MOV10L1: variants seen among roughly 807,000 people sequenced by gnomAD.
MOV10L1 encodes the protein Mov10 like RNA helicase 1.
A neutral mutation model predicts 143.8 loss-of-function variants in MOV10L1; 110 were observed. The ratio of observed to expected loss-of-function variants is 0.76; its 90% confidence interval spans 0.66 to 0.90. MOV10L1 has a LOEUF of 0.90. Among genes scored for constraint, MOV10L1 ranks in the 40% least tolerant of loss-of-function variants. The probability of loss-of-function intolerance (pLI) is 0.00; values close to 1 mark genes in which losing one functional copy is unlikely to be tolerated. For missense variants in MOV10L1, 1,406 were observed against 1,526.8 expected (o/e 0.92, Z 1.32); for synonymous variants, 593 against 581.1 (o/e 1.02, Z -0.29).
At chr22:50,102,957 C>A (rs1364561867) in intron 3 of MOV10L1, among the ~76,000 whole-genome samples, 1 of 152,046 alleles carries the variant, frequency 6.6e-6, no homozygotes, top group East Asian at 1.9e-4. Context: ...TGTCCAGGGT[C>A]GTGTCAGAGG....
rs750731837 is a variant in MOV10L1, at chr22:50,126,245, C to T, written c.1791C>T (p.Ala597=). The T allele has an allele frequency of 9.3e-6, 15 of 1,612,168 alleles. No homozygotes were observed. The African/African-American group carries it at 1.7e-4, about 19-fold the overall frequency. ...ILKTQEYNGH[A]IEYISYVTEI... ...AAACTCAAGAGTACAATGGACATGCCATCGAATACATCAGCTACGTGACTG... is the reference window on the plus strand; with the variant it reads ...AAACTCAAGAGTACAATGGACATGCTATCGAATACATCAGCTACGTGACTG... The change falls in exon 12 of 27, where the codon GCC becomes GCT. Residue 597 remains alanine, a synonymous_variant. Transcript: ENST00000262794.
intron 19 of MOV10L1, among the ~76,000 whole-genome samples, chr22:50,148,989 A>T (rs1368708727): frequency 6.6e-6 from 1 of 152,236 alleles, no homozygotes; most frequent in Non-Finnish European, 1.5e-5. Context: ...ATGGTGCCGC[A>T]GATTGGGAAG....
At chr22:50,103,847 A>G (rs562480007) in intron 3 of MOV10L1, among the ~76,000 whole-genome samples, 1 of 152,282 alleles carries the variant, frequency 6.6e-6, no homozygotes, top group East Asian at 1.9e-4. Flanking sequence ...AGTTTTGTGA[A>G]AGATAATTTT....
rs369366003 is a variant in MOV10L1 at position 50,144,872 on chromosome 22, T to C, written c.2505+629T>C. Reference sequence around the variant, plus strand: ...CTGGGATTACAGGCGTGAGCCACCGTGCCCGGCCTGGTTTGGTTTTAAGTA... The same window carrying C: ...CTGGGATTACAGGCGTGAGCCACCGCGCCCGGCCTGGTTTGGTTTTAAGTA... On this transcript the variant is annotated intron_variant, in intron 18 of 26. Transcript: ENST00000262794. Among the ~76,000 whole-genome samples, 138 of 152,318 alleles carry C rather than the reference T, an allele frequency of 9.1e-4. 2 individuals carry two copies. The highest frequency in any genetic ancestry group is 6.4e-3 in the South Asian group (31 of 4,830).
chr22:50,114,847 C>G (rs116572017), intron 7 of MOV10L1, among the ~76,000 whole-genome samples: 2,549 of 152,328 alleles, frequency 0.017, 74 homozygotes, highest in African/African-American at 0.059. Context: ...TGGCGGCCGG[C>G]TCCTGAGTAC....
At chr22:50,108,058 A>C in intron 3 of MOV10L1, 78 bp from the exon 4 acceptor site, 1 of 1,279,916 alleles carries the variant, frequency 7.8e-7, no homozygotes, top group South Asian at 1.2e-5. Flanking sequence ...GTATGATAGA[A>C]ATGATTTCAG....
intron 1 of MOV10L1, chr22:50,090,438 T>G (rs2062399062): frequency 1.7e-5 from 28 of 1,600,826 alleles, no homozygotes; most frequent in Non-Finnish European, 2.3e-5. Flanking sequence ...GCCCTCACTT[T>G]GTGTGTTTAC....
chr22:50,120,642 G>A, intron 10 of MOV10L1, 26 bp downstream of exon 10: 1 of 1,491,306 alleles, frequency 6.7e-7, no homozygotes, highest in Non-Finnish European at 9.3e-7. Context: ...TGGCCTGTGG[G>A]GTGTTGGCAT....
intron 19 of MOV10L1, among the ~76,000 whole-genome samples, chr22:50,148,959 C>T (rs1334870162): frequency 1.3e-5 from 2 of 152,230 alleles, no homozygotes; most frequent in African/African-American, 4.8e-5. Flanking sequence ...CCACTGCGCC[C>T]GACCAACCCC....
intron 18 of MOV10L1, among the ~76,000 whole-genome samples, chr22:50,144,487 A>G (rs1286512306): frequency 1.3e-5 from 2 of 152,224 alleles, no homozygotes; most frequent in South Asian, 2.1e-4. Context: ...CATTCGTAGC[A>G]TTGTAAAATT....
At position 50,111,441 on chromosome 22, in the gene MOV10L1, T is replaced by G. The variant is rs190715728; in HGVS notation, c.744-2207T>G. ...TCTTTCATGACAGCTTCTGGCTGAG[T>G]TTTTTCCTTTTGGCATGGTGAGTGG... On this transcript the variant is annotated intron_variant, in intron 5 of 26. Transcript: ENST00000262794. Among the ~76,000 whole-genome samples the G allele has an allele frequency of 4.6e-5, 7 of 151,306 alleles. No homozygotes were observed. The East Asian group carries it at 1.2e-3, about 25-fold the overall frequency.
At chr22:50,137,161 C>G (rs2062842416) in intron 15 of MOV10L1, among the ~76,000 whole-genome samples, 1 of 152,066 alleles carries the variant, frequency 6.6e-6, no homozygotes, top group South Asian at 2.1e-4. Flanking sequence ...AAGTGAAAAA[C>G]GTAACCCAAA....
rs983120589 is a variant in MOV10L1, at chr22:50,148,362, A to C, written c.2628-1253A>C. On this transcript the variant is annotated intron_variant, in intron 19 of 26. Transcript: ENST00000262794. ...GCCCCAGGTGGGGTGGCCCCTCTGC[A>C]CTCTAGAAACAGATCATGTGCCGAG... Among the ~76,000 whole-genome samples, 2 of 152,056 alleles carry C rather than the reference A, an allele frequency of 1.3e-5. 1 individual carries two copies. Among genetic ancestry groups the C allele is most frequent in the Admixed American group, 1.3e-4 (2 of 15,274 alleles).
At chr22:50,134,413 TAAGA>T (rs904187006) in intron 14 of MOV10L1, 113 bp from the exon 15 acceptor site, 1 of 767,200 alleles carries the variant, frequency 1.3e-6, no homozygotes, top group African/African-American at 1.8e-5. Flanking sequence ...ACAGGCAGGT[TAAGA>T]AAGGAAGGGA....
intron 15 of MOV10L1, among the ~76,000 whole-genome samples, chr22:50,141,537 A>G (rs1054781183): frequency 1.4e-5 from 2 of 144,262 alleles, no homozygotes; most frequent in African/African-American, 5.1e-5. Flanking sequence ...ACAGGGTTTC[A>G]CCATGTTGCC....
In MOV10L1 at chr22:50,161,451, C is replaced by G. The variant is rs775731763; in HGVS notation, c.*2C>G. 1 of 1,581,302 alleles carries G rather than the reference C, an allele frequency of 6.3e-7. No individual in the cohort carries two copies. Among genetic ancestry groups the G allele is most frequent in the Non-Finnish European group, 8.6e-7 (1 of 1,163,462 alleles). On this transcript the variant is annotated 3_prime_UTR_variant, in exon 27 of 27. Coordinates refer to ENST00000262794, the MANE Select transcript of MOV10L1 (RefSeq NM_018995.3). ...GAGAAGCATCAGGAGCCCAGCTGAT[C>G]TGCAGTGGCTGACAGCAGGGAGGCC...
intron 10 of MOV10L1, among the ~76,000 whole-genome samples, chr22:50,124,969 C>CT (rs1392866977): frequency 4.6e-5 from 7 of 152,354 alleles, no homozygotes; most frequent in South Asian, 2.1e-4. Flanking sequence ...TTCTCTGTCT[C>CT]TTTAAGTTTT....
rs1011252302 is a variant in MOV10L1 at position 50,155,433 on chromosome 22, G to C, written c.3066+2215G>C. Among the ~76,000 whole-genome samples the C allele has an allele frequency of 2.6e-5, 4 of 151,324 alleles. No homozygotes were observed. In the South Asian group the frequency reaches 8.4e-4, roughly 32 times the overall value. On this transcript the variant is annotated intron_variant, in intron 22 of 26. Coordinates refer to ENST00000262794, the MANE Select transcript of MOV10L1 (RefSeq NM_018995.3). ...CTGCCACCACGTCCAACTAATTTTC[G>C]TATTTTTACTGCTTTATCTGGTGGT...
chr22:50,159,767 G>GGTC lies in MOV10L1; in HGVS notation c.3307_3309dup (p.Val1103dup). On this transcript the variant is annotated inframe_insertion, in exon 24 of 27. Transcript: ENST00000262794. This position sits in a 1 kb window ranked among gnomAD's most constrained non-coding sequence, Gnocchi z 4.1. Reference sequence around the variant, plus strand: ...AGGAGTTTCAAGGACAAGAGTATCTGGTCATCATCATTTCGACCGTAGGTA... The same window carrying GGTC: ...AGGAGTTTCAAGGACAAGAGTATCTGGTCGTCATCATCATTTCGACCGTAGGTA... 1 of 1,611,030 alleles carries GGTC rather than the reference G, an allele frequency of 6.2e-7. No individual in the cohort carries two copies. The highest frequency in any genetic ancestry group is 2.2e-5 in the East Asian group (1 of 44,842).
Sources: allele counts gnomAD v4.1 joint callset (sites outside exome capture counted in the v4.1 genomes callset), GRCh38; gene constraint gnomAD v4.1.1; non-coding constraint Gnocchi (gnomAD v3.1); transcripts MANE v1.5; gene names NCBI Gene and HGNC (gene_info 2026-07-23, HGNC 2026-07-21).